KCNIP4: variants seen among roughly 807,000 people sequenced by gnomAD.
The protein encoded by KCNIP4 is potassium voltage-gated channel interacting protein 4, also known as Kv channel-interacting protein 4.
Under a neutral mutation model 34.0 loss-of-function variants are expected in KCNIP4, and 12 were observed. That is an observed-to-expected ratio of 0.35 (90% confidence interval 0.23 to 0.57). KCNIP4 has a LOEUF of 0.57. KCNIP4 is among the 20% of genes least tolerant of loss of function. The pLI, the probability that KCNIP4 is intolerant of heterozygous loss-of-function variation, is 0.83. For synonymous variants in KCNIP4, 124 were observed against 102.2 expected (o/e 1.21, Z -1.29); for missense variants, 238 against 311.7 (o/e 0.76, Z 1.78).
intron 1 of KCNIP4, among the ~76,000 whole-genome samples, chr4:21,375,758 C>T (rs569193495): frequency 3.0e-4 from 46 of 151,834 alleles, no homozygotes; most frequent in African/African-American, 1.0e-3. Flanking sequence ...TTAGTAGAGG[C>T]GGGGTTTCAC....
intron 1 of KCNIP4, among the ~76,000 whole-genome samples, chr4:21,686,579 A>G (rs1035860840): frequency 6.6e-6 from 1 of 152,212 alleles, no homozygotes; most frequent in Non-Finnish European, 1.5e-5. Context: ...ATCAACCATA[A>G]GATGTATGAC....
intron 3 of KCNIP4, chr4:20,767,307 T>A (rs1213724760): frequency 1.3e-5 from 2 of 152,182 alleles, no homozygotes; most frequent in East Asian, 3.9e-4. Flanking sequence ...AGGAATATTG[T>A]AATTGTAAAT....
intron 1 of KCNIP4, among the ~76,000 whole-genome samples, chr4:21,736,415 G>A (rs1053618117): frequency 1.8e-4 from 28 of 151,914 alleles, no homozygotes; most frequent in Non-Finnish European, 3.5e-4. Context: ...AAATATCCTC[G>A]TGACACACAG....
At chr4:21,522,973 G>T (rs1018133283) in intron 1 of KCNIP4, among the ~76,000 whole-genome samples, 1 of 151,826 alleles carries the variant, frequency 6.6e-6, no homozygotes, top group African/African-American at 2.4e-5. Flanking sequence ...AGGAGATGGG[G>T]TCTTTAGGAG....
chr4:21,589,028 T>C (rs954688300), intron 1 of KCNIP4, among the ~76,000 whole-genome samples: 1 of 149,950 alleles, frequency 6.7e-6, no homozygotes, highest in Non-Finnish European at 1.5e-5. Flanking sequence ...GAAAGTCAAA[T>C]CATATGGAAA....
chr4:21,671,916 G>T (rs994468681), intron 1 of KCNIP4, among the ~76,000 whole-genome samples: 1 of 152,106 alleles, frequency 6.6e-6, no homozygotes, highest in Non-Finnish European at 1.5e-5. Context: ...CATCCCACTA[G>T]AACCCAGTCC....
Position 21,304,001 on chromosome 4 carries a change from T to TGTA in KCNIP4, c.62-421293_62-421292insTAC, listed in dbSNP as rs1339745114. 3.7e-6 allele frequency: 5 copies of TGTA among 1,342,054 alleles called. No individual in the cohort carries two copies. The East Asian group carries it at 1.4e-4, about 39-fold the overall frequency. 83.1% of individuals were successfully genotyped at this position (1,342,054 alleles called of 1,614,324 possible). A position where few individuals can be genotyped will look rare whatever the true frequency, so the allele number is the denominator to read the frequency against. On this transcript the variant is annotated intron_variant, in intron 1 of 8. Transcript: ENST00000382152. ...CATTAAACTACATTAAGAAGGCTACTGCTGGAGAAAGGGGAGGAGGAGAGC... is the reference window on the plus strand; with the variant it reads ...CATTAAACTACATTAAGAAGGCTACTGTAGCTGGAGAAAGGGGAGGAGGAGAGC...
chr4:21,014,802 T>A (rs1739359195), intron 1 of KCNIP4, among the ~76,000 whole-genome samples: 1 of 152,172 alleles, frequency 6.6e-6, no homozygotes, highest in Non-Finnish European at 1.5e-5. Flanking sequence ...ATTCAGATAT[T>A]TGCACAGCAT....
At chr4:21,489,393 C>T (rs1976299) in intron 1 of KCNIP4, among the ~76,000 whole-genome samples, 1 of 150,798 alleles carries the variant, frequency 6.6e-6, no homozygotes, top group South Asian at 2.1e-4. Flanking sequence ...TAGGGCCTTG[C>T]CATGTTGAGT....
At chr4:21,310,560 C>T (rs879812502) in intron 1 of KCNIP4, among the ~76,000 whole-genome samples, 7 of 152,172 alleles carry the variant, frequency 4.6e-5, no homozygotes, top group Non-Finnish European at 8.8e-5. Context: ...GCAAATTTGA[C>T]CCTTCAAAAT....
intron 1 of KCNIP4, among the ~76,000 whole-genome samples, chr4:21,526,487 A>T (rs1482133839): frequency 6.6e-6 from 1 of 152,142 alleles, no homozygotes; most frequent in East Asian, 1.9e-4. Flanking sequence ...ATAGCATTTA[A>T]TAATATTCTC....
At chr4:21,391,458 T>G (rs977868174) in intron 1 of KCNIP4, among the ~76,000 whole-genome samples, 1 of 152,082 alleles carries the variant, frequency 6.6e-6, no homozygotes, top group African/African-American at 2.4e-5. Flanking sequence ...GTAAATGAAC[T>G]CATCCTCTCT....
chr4:21,094,170 AT>A (rs1465534129), intron 1 of KCNIP4, among the ~76,000 whole-genome samples: 1 of 152,222 alleles, frequency 6.6e-6, no homozygotes, highest in Non-Finnish European at 1.5e-5. Flanking sequence ...TCAAAATGTT[AT>A]TTAAAAACAA....
chr4:20,811,641 C>G (rs555960521), intron 3 of KCNIP4, among the ~76,000 whole-genome samples: 2 of 152,254 alleles, frequency 1.3e-5, no homozygotes, highest in East Asian at 1.9e-4. Context: ...AAATAAAGAA[C>G]AAACGTGATC....
intron 1 of KCNIP4, among the ~76,000 whole-genome samples, chr4:21,282,802 C>T (rs970220835): frequency 2.0e-5 from 3 of 152,166 alleles, no homozygotes; most frequent in African/African-American, 7.2e-5. Flanking sequence ...CTTTCTTAAA[C>T]ATGACACAGT....
At chr4:21,363,656 C>T (rs1719447286) in intron 1 of KCNIP4, among the ~76,000 whole-genome samples, 1 of 152,098 alleles carries the variant, frequency 6.6e-6, no homozygotes, top group African/African-American at 2.4e-5. Flanking sequence ...TACTTTGTGG[C>T]CCTTGTAATT....
At chr4:21,252,667 T>A (rs939080389) in intron 1 of KCNIP4, among the ~76,000 whole-genome samples, 2 of 151,654 alleles carry the variant, frequency 1.3e-5, no homozygotes, top group Non-Finnish European at 2.9e-5. Context: ...CAATCAATAA[T>A]GATGTCATCA....
intron 1 of KCNIP4, among the ~76,000 whole-genome samples, chr4:21,172,963 C>G (rs1754122587): frequency 6.6e-6 from 1 of 152,206 alleles, no homozygotes; most frequent in Non-Finnish European, 1.5e-5. Context: ...ATCCCCAGGA[C>G]TGCATACGGA....
At chr4:21,560,258 A>C (rs1413511996) in intron 1 of KCNIP4, among the ~76,000 whole-genome samples, 1 of 152,128 alleles carries the variant, frequency 6.6e-6, no homozygotes, top group Non-Finnish European at 1.5e-5. Flanking sequence ...TTCCAATTGT[A>C]AAATGAACTC....
Sources: gnomAD v4.1 joint callset for allele counts (sites outside exome capture counted in the v4.1 genomes callset) on GRCh38, gnomAD v4.1.1 for gene constraint, MANE v1.5 for transcripts, NCBI Gene and HGNC (gene_info 2026-07-23, HGNC 2026-07-21) for gene names.